Variants in UTP4 observed in about 807,000 individuals in gnomAD.
UTP4 encodes U3 small nucleolar RNA-associated protein 4 homolog.
Under a neutral mutation model 82.4 loss-of-function variants are expected in UTP4, and 45 were observed. The observed-to-expected ratio is 0.55, with a 90% CI of 0.43 to 0.70. The LOEUF (loss-of-function observed/expected upper bound fraction) is 0.70. Ranked by LOEUF, UTP4 falls within the 30% of genes least tolerant of loss-of-function variation. UTP4 has a pLI of 0.00. For missense variants in UTP4, 819 were observed against 858.3 expected, an observed-to-expected ratio of 0.95 and a Z score of 0.57; for synonymous variants, 348 against 300.3, an observed-to-expected ratio of 1.16 and a Z score of -1.64.
intron 5 of UTP4, among the ~76,000 whole-genome samples, chr16:69,141,252 C>T (rs949805579): frequency 6.6e-6 from 1 of 152,226 alleles, no homozygotes; most frequent in African/African-American, 2.4e-5. Flanking sequence ...CCATTGTTCT[C>T]GGGATCTCCT....
chr16:69,147,274 C>T (rs917441700), intron 6 of UTP4, among the ~76,000 whole-genome samples: 1 of 151,530 alleles, frequency 6.6e-6, no homozygotes, highest in Middle Eastern at 3.4e-3. Context: ...GAGGCCGATG[C>T]GGGTGGATTG....
chr16:69,168,163 G>A (rs1216512099), intron 16 of UTP4, among the ~76,000 whole-genome samples: 1 of 151,780 alleles, frequency 6.6e-6, no homozygotes, highest in Non-Finnish European at 1.5e-5. Context: ...TTGGCCGGGC[G>A]CAGTGGCTCA....
chr16:69,152,390 G>C lies in UTP4; in HGVS notation c.1003-1194G>C, dbSNP rs184114666. Among the ~76,000 whole-genome samples the C allele has an allele frequency of 2.0e-3, 297 of 151,396 alleles. 3 individuals carry two copies. Among genetic ancestry groups the C allele is most frequent in the Non-Finnish European group, 1.6e-4 (11 of 67,914 alleles). On this transcript the variant is annotated intron_variant, in intron 8 of 16. Coordinates refer to ENST00000314423, the MANE Select transcript of UTP4 (RefSeq NM_032830.3). The stretch of plus-strand genomic sequence containing the variant: ...AACCTCTGCTTCTTGAGCTCAAGCA[G>C]TCCTCCCACATCAGCCTCCCGAGTT...
At chr16:69,139,978 A>G (rs1962916424) in intron 5 of UTP4, 64 bp downstream of exon 5, 4 of 1,197,100 alleles carry the variant, frequency 3.3e-6, no homozygotes, top group Non-Finnish European at 2.5e-6. Flanking sequence ...CTGAGTTTTC[A>G]AAAGCTTGAG....
intron 8 of UTP4, among the ~76,000 whole-genome samples, chr16:69,152,536 C>A (rs1963301572): frequency 7.3e-6 from 1 of 137,758 alleles, no homozygotes; most frequent in African/African-American, 2.7e-5. Context: ...GTAGTGAAAT[C>A]TCGGCTCACT....
At chr16:69,164,978 G>A (rs981222537) in intron 14 of UTP4, among the ~76,000 whole-genome samples, 21 of 151,984 alleles carry the variant, frequency 1.4e-4, no homozygotes, top group Non-Finnish European at 1.3e-4. Flanking sequence ...GGCAGATCAC[G>A]AGGTCAGGAG....
chr16:69,153,434 G>T lies in UTP4; in HGVS notation c.1003-150G>T, dbSNP rs956369517. On this transcript the variant is annotated intron_variant, in intron 8 of 16. Transcript: ENST00000314423. ...CATCGTCTTCATAGATCTCAGGGCAGTGCCTGGCATATGGGAGTACTTAGG... is the reference window on the plus strand; with the variant it reads ...CATCGTCTTCATAGATCTCAGGGCATTGCCTGGCATATGGGAGTACTTAGG... 4.4e-6 allele frequency: 3 copies of T among 688,760 alleles called. No individual in the cohort carries two copies. In the South Asian group the frequency reaches 4.6e-5, roughly 11 times the overall value. The allele number at this position is 688,760 out of a possible 1,614,324, so 42.7% of individuals were successfully genotyped here.
rs777553894 is a variant in UTP4, at chr16:69,143,210, C to CAGT, written c.561_563dup (p.Gln187_Tyr188insTer). 6.2e-7 allele frequency: 1 copy of CAGT among 1,614,082 alleles called. No individual in the cohort carries two copies. Among genetic ancestry groups the CAGT allele is most frequent in the Non-Finnish European group, 8.5e-7 (1 of 1,180,032 alleles). ...TGTTCATAAGATGATTGTGGACAGG[C>CAGT]AGTATATGGGCGTGTCTAAGCGGAA... On this transcript the variant is annotated stop_gained and inframe_insertion, in exon 6 of 17. Transcript: ENST00000314423. LOFTEE classifies it high-confidence loss of function.
At chr16:69,152,431 A>T (rs1963296904) in intron 8 of UTP4, among the ~76,000 whole-genome samples, 1 of 147,862 alleles carries the variant, frequency 6.8e-6, no homozygotes, top group Non-Finnish European at 1.5e-5. Context: ...AGCTGCAGGC[A>T]TGCGCCACCA....
chr16:69,136,351 C>CG (rs1024422497), intron 2 of UTP4, among the ~76,000 whole-genome samples: 2 of 152,174 alleles, frequency 1.3e-5, no homozygotes, highest in African/African-American at 4.8e-5. Context: ...CGTCAGCCTC[C>CG]GTAGTAGCTG....
At chr16:69,154,960 TC>T (rs1309501948) in intron 10 of UTP4, among the ~76,000 whole-genome samples, 1 of 152,074 alleles carries the variant, frequency 6.6e-6, no homozygotes, top group African/African-American at 2.4e-5. Context: ...CCTCAGGTGA[TC>T]CGCCCGCCTT....
In UTP4 at chr16:69,137,750, A is replaced by G. The variant is rs374368864; in HGVS notation, c.352-51A>G. 1.1e-4 allele frequency: 110 copies of G among 1,015,628 alleles called. No homozygotes were observed. The East Asian group carries it at 1.8e-3, about 17-fold the overall frequency. 62.9% of individuals were successfully genotyped at this position (1,015,628 alleles called of 1,614,324 possible). ...GGGGTGTGTGTGTGTGTTTAGTCCT[A>G]TAAAATGTTTACTATTGATTTTTTC... On this transcript the variant is annotated intron_variant, in intron 3 of 16. Transcript: ENST00000314423.
At chr16:69,163,016 C>G in intron 13 of UTP4, 67 bp from the exon 14 acceptor site, 2 of 1,208,710 alleles carry the variant, frequency 1.7e-6, no homozygotes, top group South Asian at 1.2e-5. Flanking sequence ...CTGACCTAGA[C>G]CATTCAATCT....
At chr16:69,135,008 GTTC>G (rs1267200926) in intron 2 of UTP4, among the ~76,000 whole-genome samples, 59 of 144,938 alleles carry the variant, frequency 4.1e-4, no homozygotes, top group East Asian at 8.3e-4. Flanking sequence ...TCTTGGTCTT[GTTC>G]TTCTTCTTTT....
chr16:69,153,284 A>G (rs569426394), intron 8 of UTP4, among the ~76,000 whole-genome samples: 5 of 152,108 alleles, frequency 3.3e-5, no homozygotes, highest in African/African-American at 1.2e-4. Context: ...CTGTCTCCTT[A>G]TTTTTCAGTA....
chr16:69,149,415 T>A (rs1376578205), intron 6 of UTP4, among the ~76,000 whole-genome samples: 2 of 151,258 alleles, frequency 1.3e-5, no homozygotes, highest in African/African-American at 4.9e-5. Context: ...CCGGGTGTGG[T>A]GGTGTGTGCC....
At chr16:69,156,658 CA>C (rs1349733810) in intron 11 of UTP4, among the ~76,000 whole-genome samples, 1 of 152,094 alleles carries the variant, frequency 6.6e-6, no homozygotes, top group Non-Finnish European at 1.5e-5. Context: ...GGGGTTTCAC[CA>C]CGTTGGCCAG....
intron 8 of UTP4, among the ~76,000 whole-genome samples, chr16:69,151,802 T>A (rs976962141): frequency 6.6e-6 from 1 of 151,556 alleles, no homozygotes; most frequent in East Asian, 1.9e-4. Flanking sequence ...TCCAAATAGT[T>A]GTGGGTTATG....
chr16:69,144,439 C>T (rs544256056), intron 6 of UTP4, among the ~76,000 whole-genome samples: 3 of 152,272 alleles, frequency 2.0e-5, no homozygotes, highest in South Asian at 4.1e-4. Flanking sequence ...CTGCCTGCCT[C>T]GGCCTCCCAA....
Sources: allele counts gnomAD v4.1 joint callset (sites outside exome capture counted in the v4.1 genomes callset), GRCh38; gene constraint gnomAD v4.1.1; transcripts MANE v1.5; gene names NCBI Gene and HGNC (gene_info 2026-07-23, HGNC 2026-07-21).